Variants in KCNH7 observed in about 807,000 individuals in gnomAD.
The protein encoded by KCNH7 is potassium voltage-gated channel subfamily H member 7, also known as voltage-gated inwardly rectifying potassium channel KCNH7.
KCNH7 carries 49 observed loss-of-function variants against 120.8 expected under a neutral mutation model. The ratio of observed to expected loss-of-function variants is 0.41; its 90% confidence interval spans 0.32 to 0.51. The LOEUF is 0.51. Ranked by LOEUF, KCNH7 falls within the 20% of genes least tolerant of loss-of-function variation. The probability of loss-of-function intolerance (pLI) is 0.38; values close to 1 mark genes in which losing one functional copy is unlikely to be tolerated. For synonymous variants in KCNH7, 547 were observed against 516.1 expected (o/e 1.06, Z -0.81); for missense variants, 1,097 against 1,446.6 (o/e 0.76, Z 3.92).
intron 8 of KCNH7, among the ~76,000 whole-genome samples, chr2:162,427,429 T>G (rs1687903176): frequency 6.6e-6 from 1 of 152,066 alleles, no homozygotes; most frequent in Non-Finnish European, 1.5e-5. Flanking sequence ...AATATCTCAT[T>G]AGAGTTTTAA....
intron 2 of KCNH7, among the ~76,000 whole-genome samples, chr2:162,667,351 G>T (rs892358390): frequency 6.6e-6 from 1 of 151,970 alleles, no homozygotes. Context: ...CAGCTAGGTG[G>T]ATTTCCCAGA....
intron 1 of KCNH7, 121 bp downstream of exon 1, chr2:162,838,322 T>C (rs1256693063): frequency 1.3e-6 from 1 of 746,796 alleles, no homozygotes; most frequent in East Asian, 2.6e-5. Flanking sequence ...TGGCTCGGTT[T>C]CACAGCCTCT....
chr2:162,733,739 C>A (rs1219862004), intron 2 of KCNH7, among the ~76,000 whole-genome samples: 1 of 152,102 alleles, frequency 6.6e-6, no homozygotes, highest in Non-Finnish European at 1.5e-5. Context: ...CTCCTGCCTG[C>A]CTAAAAAGAA....
chr2:162,481,800 G>A (rs1045559520), intron 6 of KCNH7, among the ~76,000 whole-genome samples: 2 of 152,128 alleles, frequency 1.3e-5, no homozygotes, highest in African/African-American at 2.4e-5. Flanking sequence ...TAAATAAAAT[G>A]TGCAGTTTAT....
intron 2 of KCNH7, among the ~76,000 whole-genome samples, chr2:162,780,409 C>T (rs1247235840): frequency 1.3e-5 from 2 of 152,090 alleles, no homozygotes; most frequent in Non-Finnish European, 2.9e-5. Context: ...TTTTCCTAAT[C>T]ATTTACTACC....
intron 2 of KCNH7, among the ~76,000 whole-genome samples, chr2:162,805,524 C>T (rs562000808): frequency 2.0e-5 from 3 of 152,056 alleles, no homozygotes; most frequent in Non-Finnish European, 1.5e-5. Flanking sequence ...AAATTAAAAC[C>T]ACAATGAGAT....
At chr2:162,835,911 A>T (rs1046491728) in intron 2 of KCNH7, among the ~76,000 whole-genome samples, 2 of 151,466 alleles carry the variant, frequency 1.3e-5, no homozygotes, top group African/African-American at 4.8e-5. Flanking sequence ...ATAACTCCAC[A>T]GTATCATAAT....
intron 12 of KCNH7, among the ~76,000 whole-genome samples, chr2:162,393,066 G>C (rs1686790670): frequency 6.6e-6 from 1 of 151,952 alleles, no homozygotes; most frequent in African/African-American, 2.4e-5. Context: ...CTAATTTGAA[G>C]ACTAAATGGA....
chr2:162,514,684 T>C (rs1295713290), intron 4 of KCNH7, among the ~76,000 whole-genome samples: 2 of 151,808 alleles, frequency 1.3e-5, no homozygotes, highest in African/African-American at 4.8e-5. Flanking sequence ...TTACATTTTA[T>C]TTTTCCAGTA....
At chr2:162,652,298 T>C (rs1271014800) in intron 2 of KCNH7, among the ~76,000 whole-genome samples, 1 of 152,190 alleles carries the variant, frequency 6.6e-6, no homozygotes, top group Non-Finnish European at 1.5e-5. Flanking sequence ...GGAATGATAA[T>C]AATACCATTT....
Position 162,506,706 on chromosome 2 carries a change from G to A in KCNH7, c.914-2049C>T, listed in dbSNP as rs146409603. Reference sequence around the variant, plus strand: ...TTGGCTAAATTCACGGATCATCGATGTCATCACCGATTCTACAATGTTAAT... The same window carrying A: ...TTGGCTAAATTCACGGATCATCGATATCATCACCGATTCTACAATGTTAAT... On this transcript the variant is annotated intron_variant, in intron 5 of 15. Coordinates refer to ENST00000332142, the MANE Select transcript of KCNH7 (RefSeq NM_033272.4). 5.2e-3 allele frequency among the ~76,000 whole-genome samples: 787 copies of A among 151,802 alleles called. 12 individuals carry two copies. The highest frequency in any genetic ancestry group is 0.018 in the African/African-American group (744 of 41,496).
chr2:162,519,325 T>C (rs997253534), intron 3 of KCNH7, among the ~76,000 whole-genome samples: 1 of 151,874 alleles, frequency 6.6e-6, no homozygotes, highest in Non-Finnish European at 1.5e-5. Flanking sequence ...TGGAATCCTA[T>C]GATATTCTTT....
chr2:162,430,940 C>T (rs1177516495), intron 8 of KCNH7, among the ~76,000 whole-genome samples: 1 of 151,698 alleles, frequency 6.6e-6, no homozygotes, highest in African/African-American at 2.4e-5. Context: ...AACATATGAG[C>T]ATCACTTATA....
chr2:162,667,082 C>T (rs1685160553), intron 2 of KCNH7, among the ~76,000 whole-genome samples: 1 of 146,154 alleles, frequency 6.8e-6, no homozygotes, highest in African/African-American at 2.6e-5. Flanking sequence ...TGCAGTGGCA[C>T]AATCATGGCC....
intron 2 of KCNH7, among the ~76,000 whole-genome samples, chr2:162,558,621 C>T (rs549127415): frequency 6.7e-6 from 1 of 149,632 alleles, no homozygotes; most frequent in Non-Finnish European, 1.5e-5. Flanking sequence ...GTTACATGAC[C>T]TTTTAACCTG....
chr2:162,737,715 C>T (rs900166120), intron 2 of KCNH7, among the ~76,000 whole-genome samples: 6 of 151,930 alleles, frequency 3.9e-5, no homozygotes, highest in African/African-American at 1.5e-4. Flanking sequence ...AAGTACAGTC[C>T]CCTGCTGTAA....
chr2:162,373,738 C>T lies in KCNH7; in HGVS notation c.3132-76G>A, dbSNP rs974338208. 4 of 1,012,638 alleles carry T rather than the reference C, an allele frequency of 4.0e-6. No homozygotes were observed. In the African/African-American group the frequency reaches 6.7e-5, roughly 17 times the overall value. The allele number at this position is 1,012,638 out of a possible 1,614,324, so 62.7% of individuals were successfully genotyped here. On this transcript the variant is annotated intron_variant, in intron 14 of 15. Transcript: ENST00000332142. ...TCAGGAGCATTTAAAAAAATTTCAGCACTACCAAGAAACAGAATTATGGCC... is the reference window on the plus strand; with the variant it reads ...TCAGGAGCATTTAAAAAAATTTCAGTACTACCAAGAAACAGAATTATGGCC...
chr2:162,372,250 C>T (rs767990143), intron 15 of KCNH7, among the ~76,000 whole-genome samples, 155 bp from the exon 16 acceptor site: 10 of 152,078 alleles, frequency 6.6e-5, no homozygotes, highest in Non-Finnish European at 8.8e-5. Context: ...TGAGTCAGGA[C>T]GTCGGAGATT....
rs1686927519 is a variant in KCNH7, at chr2:162,396,919, C to A, written c.2434G>T (p.Val812Phe). 3.7e-6 allele frequency: 6 copies of A among 1,609,212 alleles called. No individual in the cohort carries two copies. The highest frequency in any genetic ancestry group is 5.1e-6 in the Non-Finnish European group (6 of 1,176,806). The change falls in exon 11 of 16, where the codon GTT becomes TTT. Residue 812 changes from valine (V) to phenylalanine (F), a missense_variant. Val to Phe is a conservative substitution (Grantham distance 50). This residue lies in a region of KCNH7 where 101 missense variants were observed against 176.3 expected (regional missense o/e 0.57). Transcript: ENST00000332142. ...TTTCCAGGTTTGGCATAAAGATGAA[C>A]CATTTCTCCAAATATATCATTTTTT... The part of the protein sequence containing the change: ...LGKNDIFGEM[V>F]HLYAKPGKSN...
Sources: allele counts gnomAD v4.1 joint callset (sites outside exome capture counted in the v4.1 genomes callset), GRCh38; gene constraint gnomAD v4.1.1; regional missense constraint gnomAD v4.1.1; transcripts MANE v1.5; gene names NCBI Gene and HGNC (gene_info 2026-07-23, HGNC 2026-07-21).